CYP4F3: variants seen among roughly 807,000 people sequenced by gnomAD.
The protein encoded by CYP4F3 is cytochrome P450 4F3.
A neutral mutation model predicts 54.8 loss-of-function variants in CYP4F3; 50 were observed. The observed-to-expected ratio is 0.91, with a 90% CI of 0.73 to 1.16. The LOEUF is 1.16. Ranked by LOEUF, CYP4F3 falls within the 50% of genes most tolerant of loss-of-function variation. CYP4F3 has a pLI of 0.00. For missense variants in CYP4F3, 715 were observed against 676.2 expected (o/e 1.06, Z -0.64); for synonymous variants, 244 against 262.6 (o/e 0.93, Z 0.69).
intron 2 of CYP4F3, among the ~76,000 whole-genome samples, chr19:15,642,032 G>A (rs1224523164): frequency 2.0e-5 from 3 of 152,056 alleles, no homozygotes. Flanking sequence ...GAGAGGTGTG[G>A]GCTGTCTCTC....
chr19:15,643,949 G>T, intron 2 of CYP4F3: 1 of 1,605,822 alleles, frequency 6.2e-7, no homozygotes, highest in Non-Finnish European at 8.5e-7. Context: ...GACTCAGCTG[G>T]TGGCCACCTA....
chr19:15,658,949 A>G (rs1973112159), intron 12 of CYP4F3, 140 bp downstream of exon 12: 1 of 1,285,822 alleles, frequency 7.8e-7, no homozygotes, highest in Non-Finnish European at 1.1e-6. Flanking sequence ...TTATGGGAAA[A>G]GGCCCACAGA....
chr19:15,654,605 G>A (rs1249941014), intron 9 of CYP4F3, among the ~76,000 whole-genome samples: 8 of 152,118 alleles, frequency 5.3e-5, no homozygotes, highest in Admixed American at 2.6e-4. Context: ...GAGAACATGC[G>A]ATATTTGTCT....
chr19:15,650,489 C>T (rs1276090613), intron 7 of CYP4F3, among the ~76,000 whole-genome samples: 4 of 152,032 alleles, frequency 2.6e-5, no homozygotes, highest in African/African-American at 9.7e-5. Flanking sequence ...TATGTTTTTG[C>T]CTATGTCTTT....
intron 5 of CYP4F3, 145 bp downstream of exon 5, chr19:15,647,469 C>G: frequency 7.1e-7 from 1 of 1,406,212 alleles, no homozygotes; most frequent in African/African-American, 1.4e-5. Flanking sequence ...CTGTAAAATC[C>G]CTACTTAAAA....
At chr19:15,641,372 C>T (rs1972456368) in intron 1 of CYP4F3, 43 bp from the exon 2 acceptor site, 1 of 1,609,920 alleles carries the variant, frequency 6.2e-7, no homozygotes, top group Admixed American at 1.7e-5. Context: ...TGGGCCCTTC[C>T]CTGGGCCTCA....
chr19:15,659,088 G>A (rs1973118222), intron 12 of CYP4F3, 132 bp from the exon 13 acceptor site: 1 of 1,331,966 alleles, frequency 7.5e-7, no homozygotes, highest in Non-Finnish European at 1.0e-6. Context: ...TGGGGATCCA[G>A]GCACGGATAC....
chr19:15,646,873 C>T (rs1395240383), intron 3 of CYP4F3, among the ~76,000 whole-genome samples, 179 bp from the exon 4 acceptor site: 1 of 152,106 alleles, frequency 6.6e-6, no homozygotes, highest in African/African-American at 2.4e-5. Flanking sequence ...GCTGCCGTAG[C>T]CTGGTCTGGT....
chr19:15,657,197 T>A (rs2283613), intron 9 of CYP4F3, among the ~76,000 whole-genome samples: 31,628 of 152,170 alleles, frequency 0.21, 3,581 homozygotes, highest in Middle Eastern at 0.27. Flanking sequence ...GACATGAAGC[T>A]GTCAGCACGT....
intron 2 of CYP4F3, among the ~76,000 whole-genome samples, chr19:15,643,404 A>AG (rs1164785629): frequency 0.02 from 968 of 48,574 alleles, 6 homozygotes; most frequent in East Asian, 0.1. Flanking sequence ...ATATATAGGT[A>AG]AATAGATAGA....
At chr19:15,641,189 T>A in intron 1 of CYP4F3, 1 of 561,866 alleles carries the variant, frequency 1.8e-6, no homozygotes, top group Non-Finnish European at 3.2e-6. Context: ...AGTTTCTCTG[T>A]CTTTCTCAAT....
In CYP4F3 at chr19:15,660,669, C is replaced by G. The variant is rs1157128924; in HGVS notation, c.*1284C>G. 6.6e-6 allele frequency: 1 copy of G among 151,962 alleles called. No individual in the cohort carries two copies. Among genetic ancestry groups the G allele is most frequent in the African/African-American group, 2.4e-5 (1 of 41,326 alleles). 9.4% of individuals were successfully genotyped at this position (151,962 alleles called of 1,614,324 possible). ...TCTCTGCCCTAGGCACATCAGATCA[C>G]CTGGGGACCACTCCAGAGTGAGTAG... On this transcript the variant is annotated 3_prime_UTR_variant, in exon 13 of 13. Coordinates refer to ENST00000221307, the MANE Select transcript of CYP4F3 (RefSeq NM_000896.3).
At chr19:15,644,313 AC>A (rs1375239859) in intron 2 of CYP4F3, among the ~76,000 whole-genome samples, 1 of 152,068 alleles carries the variant, frequency 6.6e-6, no homozygotes, top group Non-Finnish European at 1.5e-5. Flanking sequence ...TCCTGGAGGA[AC>A]CCCCAAGCTT....
chr19:15,657,427 G>A (rs888509755), intron 9 of CYP4F3, among the ~76,000 whole-genome samples: 1 of 152,148 alleles, frequency 6.6e-6, no homozygotes, highest in Non-Finnish European at 1.5e-5. Context: ...CTGAGTAGCT[G>A]GGATTACAGG....
intron 9 of CYP4F3, among the ~76,000 whole-genome samples, chr19:15,653,554 G>A (rs894892649): frequency 2.6e-5 from 4 of 152,134 alleles, no homozygotes. Context: ...CCCTGGGCAG[G>A]ACAGTCCCAG....
rs1209043066 is a variant in CYP4F3, at chr19:15,649,248, A to C, written c.614A>C (p.Lys205Thr). The change falls in exon 6 of 13, where the codon AAA becomes ACA. Residue 205 changes from lysine to threonine, a missense_variant. Physicochemically the swap from Lys to Thr is moderately conservative, Grantham distance 78. Coordinates refer to ENST00000221307, the MANE Select transcript of CYP4F3 (RefSeq NM_000896.3). ...CTCATGACCTTGGACAGTCTGCAGA[A>C]ATGTGTCTTCAGCTTTGACAGCCAT... The part of the protein sequence containing the change: ...ISLMTLDSLQ[K>T]CVFSFDSHCQ... 1 of 1,613,124 alleles carries C rather than the reference A, an allele frequency of 6.2e-7. No homozygotes were observed. Among genetic ancestry groups the C allele is most frequent in the Non-Finnish European group, 8.5e-7 (1 of 1,179,480 alleles).
intron 9 of CYP4F3, among the ~76,000 whole-genome samples, chr19:15,657,329 T>C (rs1973054035): frequency 6.6e-6 from 1 of 152,190 alleles, no homozygotes; most frequent in Non-Finnish European, 1.5e-5. Flanking sequence ...ACAGTTTCAC[T>C]CTTGTTGCCC....
intron 7 of CYP4F3, among the ~76,000 whole-genome samples, chr19:15,650,598 ATC>A (rs1454299268): frequency 6.6e-6 from 1 of 151,536 alleles, no homozygotes; most frequent in Non-Finnish European, 1.5e-5. Flanking sequence ...CTTTGTCTGC[ATC>A]TGTGTCTTCA....
intron 4 of CYP4F3, 37 bp downstream of exon 4, chr19:15,647,142 T>C (rs1173677337): frequency 6.2e-7 from 1 of 1,613,914 alleles, no homozygotes; most frequent in Non-Finnish European, 8.5e-7. Context: ...GGGAACAACC[T>C]GGGGGGCCAG....
Sources: allele counts gnomAD v4.1 joint callset (sites outside exome capture counted in the v4.1 genomes callset), GRCh38; gene constraint gnomAD v4.1.1; transcripts MANE v1.5; gene names NCBI Gene and HGNC (gene_info 2026-07-23, HGNC 2026-07-21).